The following PUDP variants were observed in gnomAD, a reference collection of about 807,000 sequenced individuals.
PUDP encodes the protein pseudouridine 5'-phosphatase.
A neutral mutation model predicts 9.4 loss-of-function variants in PUDP; 8 were observed. The observed-to-expected ratio is 0.85, with a 90% confidence interval of 0.50 to 1.53. PUDP has a LOEUF of 1.53. Among genes scored for constraint, PUDP ranks in the 40% most tolerant of loss-of-function variants. The probability of loss-of-function intolerance (pLI) is 0.00; values close to 1 mark genes in which losing one functional copy is unlikely to be tolerated. For synonymous variants in PUDP, 99 were observed against 80.7 expected, an observed-to-expected ratio of 1.23 and a Z score of -1.22; for missense variants, 188 against 189.7, an observed-to-expected ratio of 0.99 and a Z score of 0.05.
At chrX:6,802,240 C>T (rs1490825188) in intron 3 of PUDP, among the ~76,000 whole-genome samples, 2 of 111,127 alleles carry the variant, frequency 1.8e-5, no homozygotes, top group Admixed American at 1.9e-4. Context: ...AACTGAGGCT[C>T]GAAGAGGATG....
At chrX:6,940,667 G>T (rs1928385578) in intron 3 of PUDP, among the ~76,000 whole-genome samples, 1 of 111,286 alleles carries the variant, frequency 9.0e-6, no homozygotes, top group African/African-American at 3.3e-5. Context: ...CCTGCTGGGA[G>T]CCATCTTCCT....
chrX:7,115,207 G>C (rs912256753), intron 1 of PUDP, among the ~76,000 whole-genome samples: 2 of 111,985 alleles, frequency 1.8e-5, no homozygotes, highest in Non-Finnish European at 3.8e-5. Flanking sequence ...CATGCATCTT[G>C]GAATAAAAAC....
At chrX:6,855,548 A>C (rs1569111613) in intron 3 of PUDP, among the ~76,000 whole-genome samples, 2 of 111,597 alleles carry the variant, frequency 1.8e-5, no homozygotes, top group Admixed American at 9.5e-5. Flanking sequence ...TTAGATACTG[A>C]GTCTTTAGTT....
intron 3 of PUDP, among the ~76,000 whole-genome samples, chrX:6,782,138 A>T (rs1254324447): frequency 2.7e-5 from 3 of 111,857 alleles, no homozygotes; most frequent in Non-Finnish European, 3.8e-5. Context: ...ACTCCTGGAA[A>T]CACGGATAGT....
At chrX:6,990,859 A>G (rs1929166553) in intron 1 of PUDP, among the ~76,000 whole-genome samples, 1 of 112,546 alleles carries the variant, frequency 8.9e-6, no homozygotes, top group Non-Finnish European at 1.9e-5. Flanking sequence ...AGGCTAGTGG[A>G]CACTGCATAT....
intron 2 of PUDP, among the ~76,000 whole-genome samples, chrX:7,090,308 T>G (rs1271831404): frequency 9.0e-6 from 1 of 111,379 alleles, no homozygotes; most frequent in African/African-American, 3.3e-5. Context: ...CCTGTACTTA[T>G]GCAGCTAAAT....
At chrX:6,982,656 G>A (rs1052883718) in intron 1 of PUDP, among the ~76,000 whole-genome samples, 1 of 111,641 alleles carries the variant, frequency 9.0e-6, no homozygotes, top group African/African-American at 3.3e-5. Context: ...ATGATGCCTG[G>A]TAATTATTTG....
chrX:6,740,439 T>C (rs1569090200), intron 3 of PUDP, among the ~76,000 whole-genome samples: 2 of 111,625 alleles, frequency 1.8e-5, no homozygotes, highest in South Asian at 3.7e-4. Flanking sequence ...TATAGAGTTG[T>C]TTCTGAATTA....
At chrX:6,871,386 C>A (rs1413563692) in intron 3 of PUDP, among the ~76,000 whole-genome samples, 1 of 111,627 alleles carries the variant, frequency 9.0e-6, no homozygotes, top group Non-Finnish European at 1.9e-5. Context: ...GGCTGGGAAT[C>A]TATTAAAAAA....
intron 1 of PUDP, among the ~76,000 whole-genome samples, chrX:7,012,082 G>A (rs1036431989): frequency 1.3e-4 from 15 of 112,103 alleles, no homozygotes; most frequent in African/African-American, 4.2e-4. Flanking sequence ...GTATAACACC[G>A]TTAGAGTAAA....
intron 1 of PUDP, among the ~76,000 whole-genome samples, chrX:7,128,313 A>G (rs894286236): frequency 3.6e-5 from 4 of 112,236 alleles, no homozygotes; most frequent in Middle Eastern, 4.6e-3. Flanking sequence ...AAGTGCTGGG[A>G]TTACAGATGT....
At chrX:7,021,300 C>T (rs374939884) in intron 1 of PUDP, among the ~76,000 whole-genome samples, 7 of 111,788 alleles carry the variant, frequency 6.3e-5, no homozygotes, top group Middle Eastern at 4.7e-3. Context: ...CCCAATGGGC[C>T]GCCTCAACTG....
At chrX:7,016,016 T>C (rs1204353875) in intron 1 of PUDP, among the ~76,000 whole-genome samples, 3 of 109,914 alleles carry the variant, frequency 2.7e-5, no homozygotes, top group African/African-American at 1.0e-4. Context: ...GATTCTAGTT[T>C]CTAAGGTGCC....
chrX:6,955,014 C>G (rs995531366), intron 3 of PUDP, among the ~76,000 whole-genome samples: 1 of 111,651 alleles, frequency 9.0e-6, no homozygotes, highest in African/African-American at 3.3e-5. Context: ...TCTGGCATGA[C>G]CAGCCTCCTA....
chrX:6,949,480 C>T lies in PUDP; in HGVS notation c.*247+27653G>A, dbSNP rs546591966. On this transcript the variant is annotated intron_variant and NMD_transcript_variant, in intron 3 of 3. Coordinates refer to the PUDP transcript ENST00000655425. ...TCCATGCTCCATAAAACCAAAGGGT[C>T]TGCTTTTCTTTAAGAGACTATTCAG... is the stretch of plus-strand genomic sequence containing the variant. Among the ~76,000 whole-genome samples the T allele has an allele frequency of 3.7e-4, 41 of 111,669 alleles. No individual in the cohort carries two copies. The South Asian group carries it at 0.014, about 39-fold the overall frequency.
In PUDP at chrX:6,797,582, C is replaced by T. The variant is rs747099046; in HGVS notation, c.*248-91116G>A. On this transcript the variant is annotated intron_variant and NMD_transcript_variant, in intron 3 of 3. Coordinates refer to the PUDP transcript ENST00000655425. ...GGAACTGAGGTCTTCTTCCAATAGA[C>T]AGTGAAAAACTGAGATCTCCAGCTA... Among the ~76,000 whole-genome samples, 121 of 111,029 alleles carry T rather than the reference C, an allele frequency of 1.1e-3. No individual in the cohort carries two copies. In the South Asian group the frequency reaches 0.012, roughly 11 times the overall value.
At chrX:6,714,277 C>A (rs1308569678) in intron 1 of PUDP, among the ~76,000 whole-genome samples, 1 of 111,575 alleles carries the variant, frequency 9.0e-6, no homozygotes, top group Non-Finnish European at 1.9e-5. Flanking sequence ...CTAGATTCAA[C>A]CATCAAGAAA....
At chrX:6,897,164 G>A (rs939007003) in intron 3 of PUDP, among the ~76,000 whole-genome samples, 6 of 111,460 alleles carry the variant, frequency 5.4e-5, no homozygotes, top group African/African-American at 2.0e-4. Context: ...GTCAGGAAGA[G>A]GGCAGACAGC....
chrX:6,980,656 G>A (rs1417685456), intron 1 of PUDP, among the ~76,000 whole-genome samples: 1 of 108,747 alleles, frequency 9.2e-6, no homozygotes, highest in African/African-American at 3.4e-5. Flanking sequence ...AACCAACTAT[G>A]GATGAAAATT....
Sources: gnomAD v4.1 joint callset for allele counts (sites outside exome capture counted in the v4.1 genomes callset) on GRCh38, gnomAD v4.1.1 for gene constraint, MANE v1.5 for transcripts, NCBI Gene and HGNC (gene_info 2026-07-23, HGNC 2026-07-21) for gene names.